Variants in CNR2 observed in about 807,000 individuals in gnomAD.
CNR2 encodes the protein cannabinoid receptor 2 (macrophage).
For synonymous variants in CNR2, 172 were observed against 182.2 expected, an observed-to-expected ratio of 0.94 and a Z score of 0.45; for missense variants, 379 against 439.9, an observed-to-expected ratio of 0.86 and a Z score of 1.24.
At chr1:23,876,614 T>C (rs977716289) in intron 1 of CNR2, among the ~76,000 whole-genome samples, 1 of 151,752 alleles carries the variant, frequency 6.6e-6, no homozygotes, top group Non-Finnish European at 1.5e-5. Flanking sequence ...GGAAGGCGGA[T>C]CATGAGGTCA....
In CNR2 at chr1:23,871,266, T is replaced by C. The variant is rs1471076232; in HGVS notation, c.*3269A>G. The C allele has an allele frequency of 6.6e-6, 1 of 152,018 alleles. No homozygotes were observed. The highest frequency in any genetic ancestry group is 1.5e-5 in the Non-Finnish European group (1 of 67,998). 9.4% of individuals were successfully genotyped at this position (152,018 alleles called of 1,614,324 possible). On this transcript the variant is annotated 3_prime_UTR_variant, in exon 2 of 2. Coordinates refer to ENST00000374472, the MANE Select transcript of CNR2 (RefSeq NM_001841.3). The stretch of plus-strand genomic sequence containing the variant: ...AATGATTTTTAGAATCTAGTTTTAT[T>C]CATTCAAGAAGTATTTACTCAGTGC...
At chr1:23,894,705 G>A (rs537849131) in intron 1 of CNR2, among the ~76,000 whole-genome samples, 1 of 150,148 alleles carries the variant, frequency 6.7e-6, no homozygotes, top group Admixed American at 6.7e-5. Context: ...AGCAGAGGCT[G>A]CAGTGAGCCA....
intron 1 of CNR2, among the ~76,000 whole-genome samples, chr1:23,908,371 T>G (rs971163266): frequency 2.0e-5 from 3 of 152,196 alleles, no homozygotes; most frequent in Admixed American, 1.3e-4. Context: ...CTCGGCTCAC[T>G]GCAGCCTTGA....
At chr1:23,901,812 G>A (rs558092466) in intron 1 of CNR2, 1 of 1,596,030 alleles carries the variant, frequency 6.3e-7, no homozygotes, top group Admixed American at 1.7e-5. Flanking sequence ...CACAGGCCTA[G>A]CCCCGCAATA....
chr1:23,910,122 A>ACT (rs1640559029), intron 1 of CNR2, among the ~76,000 whole-genome samples: 1 of 120,312 alleles, frequency 8.3e-6, no homozygotes. Context: ...CTAATTTTTA[A>ACT]TTTTTTTTTT....
At chr1:23,905,266 C>T (rs1236066964) in intron 1 of CNR2, among the ~76,000 whole-genome samples, 5 of 150,900 alleles carry the variant, frequency 3.3e-5, no homozygotes, top group East Asian at 1.9e-4. Flanking sequence ...CTGCAACCTC[C>T]GCCTCCCGGG....
chr1:23,908,966 G>T (rs1159679700), intron 1 of CNR2, among the ~76,000 whole-genome samples: 1 of 152,086 alleles, frequency 6.6e-6, no homozygotes, highest in Non-Finnish European at 1.5e-5. Flanking sequence ...AGCTGCCTTT[G>T]ACTCACTGTA....
chr1:23,901,906 G>C, intron 1 of CNR2: 16 of 1,606,510 alleles, frequency 1.0e-5, no homozygotes, highest in Middle Eastern at 1.7e-4. Flanking sequence ...CAGAAGACTG[G>C]AATAGGTGGC....
intron 1 of CNR2, among the ~76,000 whole-genome samples, chr1:23,896,899 T>C (rs562057336): frequency 2.7e-5 from 4 of 148,492 alleles, no homozygotes; most frequent in Non-Finnish European, 6.0e-5. Context: ...TTTTTTTTCT[T>C]CTAGAGTCTT....
In CNR2 at chr1:23,875,077, C is replaced by G; in HGVS notation, c.541G>C (p.Glu181Gln). 1 of 1,600,228 alleles carries G rather than the reference C, an allele frequency of 6.2e-7. No individual in the cohort carries two copies. Among genetic ancestry groups the G allele is most frequent in the Non-Finnish European group, 8.5e-7 (1 of 1,173,438 alleles). The change falls in exon 2 of 2, where the codon GAG (glutamate) becomes CAG (glutamine). Residue 181 changes from glutamate to glutamine, a missense_variant. Transcript: ENST00000374472. ...GWTCCPRPCS[E>Q]LFPLIPNDYL... ...TCATTGGGGATCAGTGGGAAAAGCT[C>G]AGAGCAGGGCCTGGGACAGCAAGTC...
At chr1:23,901,717 T>C (rs1183589092) in intron 1 of CNR2, 4 of 1,394,552 alleles carry the variant, frequency 2.9e-6, no homozygotes, top group Admixed American at 3.4e-5. Context: ...CCGACATGAA[T>C]TTGGTCAGAT....
At chr1:23,904,631 A>T (rs1415897471) in intron 1 of CNR2, among the ~76,000 whole-genome samples, 1 of 152,134 alleles carries the variant, frequency 6.6e-6, no homozygotes, top group Non-Finnish European at 1.5e-5. Context: ...TTACTGTGAA[A>T]TCTGTCAGCC....
chr1:23,908,269 G>A (rs746551555), intron 1 of CNR2, among the ~76,000 whole-genome samples: 10 of 151,986 alleles, frequency 6.6e-5, no homozygotes, highest in African/African-American at 9.7e-5. Context: ...ATGAGCCACC[G>A]TGCCTGGCCA....
chr1:23,902,122 T>A, intron 1 of CNR2: 1 of 1,458,284 alleles, frequency 6.9e-7, no homozygotes, highest in Non-Finnish European at 9.6e-7. Flanking sequence ...AACATGCCTC[T>A]TGTTTCGTGG....
At chr1:23,909,907 A>G (rs1045954584) in intron 1 of CNR2, among the ~76,000 whole-genome samples, 1 of 151,138 alleles carries the variant, frequency 6.6e-6, no homozygotes, top group Non-Finnish European at 1.5e-5. Context: ...ATTGACCTGG[A>G]CTTGAGTCTC....
chr1:23,909,474 G>A (rs1456381257), intron 1 of CNR2, among the ~76,000 whole-genome samples: 2 of 152,082 alleles, frequency 1.3e-5, no homozygotes, highest in African/African-American at 4.8e-5. Flanking sequence ...ATAGCTTGGG[G>A]AGAGAAAGAG....
In CNR2 at chr1:23,885,256, C is replaced by T. The variant is rs1301652294; in HGVS notation, c.-45-9594G>A. ...CTCCAGCCTGGTTGACAGAGAAAGACCACCATCTCCTTAAAAAAAAAAAAA... is the reference window on the plus strand; with the variant it reads ...CTCCAGCCTGGTTGACAGAGAAAGATCACCATCTCCTTAAAAAAAAAAAAA... On this transcript the variant is annotated intron_variant, in intron 1 of 1. Coordinates refer to ENST00000374472, the MANE Select transcript of CNR2 (RefSeq NM_001841.3). 4.0e-5 allele frequency among the ~76,000 whole-genome samples: 6 copies of T among 148,260 alleles called. No homozygotes were observed. In the South Asian group the frequency reaches 6.5e-4, roughly 16 times the overall value.
At chr1:23,899,617 C>G (rs1299617853) in intron 1 of CNR2, among the ~76,000 whole-genome samples, 5 of 149,856 alleles carry the variant, frequency 3.3e-5, no homozygotes, top group African/African-American at 1.2e-4. Flanking sequence ...GGAGGTAAGA[C>G]CAGCCTGGCC....
intron 1 of CNR2, among the ~76,000 whole-genome samples, chr1:23,889,949 G>T (rs1449377205): frequency 1.3e-5 from 2 of 152,062 alleles, no homozygotes; most frequent in Non-Finnish European, 2.9e-5. Flanking sequence ...GGCAGGAGAT[G>T]CTTAATAGAG....
Sources: gnomAD v4.1 joint callset for allele counts (sites outside exome capture counted in the v4.1 genomes callset) on GRCh38, gnomAD v4.1.1 for gene constraint, MANE v1.5 for transcripts, NCBI Gene and HGNC (gene_info 2026-07-23, HGNC 2026-07-21) for gene names.